STK3: variants seen among roughly 807,000 people sequenced by gnomAD.
The protein encoded by STK3 is serine/threonine kinase 3, also known as serine/threonine-protein kinase 3.
Under a neutral mutation model 58.0 loss-of-function variants are expected in STK3, and 41 were observed. That is an observed-to-expected ratio of 0.71 (90% CI 0.55 to 0.92). The LOEUF is 0.92. Among genes scored for constraint, STK3 ranks in the 40% least tolerant of loss-of-function variants. The pLI is 0.00. For synonymous variants in STK3, 170 were observed against 191.0 expected (o/e 0.89, Z 0.91); for missense variants, 479 against 602.7 (o/e 0.79, Z 2.15).
intron 1 of STK3, among the ~76,000 whole-genome samples, chr8:98,818,863 C>T (rs1834716189): frequency 6.6e-6 from 1 of 152,096 alleles, no homozygotes; most frequent in African/African-American, 2.4e-5. Flanking sequence ...CTCTGTCGCC[C>T]AGGCTGGAGT....
chr8:98,881,278 G>A (rs989961727), downstream of STK3: 1 of 152,208 alleles, frequency 6.6e-6, no homozygotes, highest in East Asian at 1.9e-4. Context: ...AACCCCAAAA[G>A]GCTACATACT....
At position 98,607,869 on chromosome 8, in the gene STK3, TTCTA is replaced by T. The variant is rs142900027; in HGVS notation, c.685-11704_685-11701del. Among the ~76,000 whole-genome samples, 1,104 of 152,326 alleles carry T rather than the reference TTCTA, an allele frequency of 7.2e-3. 4 individuals are homozygous for T. Among genetic ancestry groups the T allele is most frequent in the Non-Finnish European group, 0.01 (705 of 68,008 alleles). On this transcript the variant is annotated intron_variant, in intron 6 of 10. Transcript: ENST00000419617. ...GTTGAAAAGTCAAATTTTCAAAAGCTTCTATCTGCCACCATGAACTTAACAGTTT... is the reference window on the plus strand; with the variant it reads ...GTTGAAAAGTCAAATTTTCAAAAGCTTCTGCCACCATGAACTTAACAGTTT...
chr8:98,804,959 C>G (rs999657851), intron 1 of STK3, among the ~76,000 whole-genome samples: 3 of 152,172 alleles, frequency 2.0e-5, no homozygotes, highest in African/African-American at 7.2e-5. Flanking sequence ...ACTCTTCCTC[C>G]AGGGACTTCT....
chr8:98,857,164 A>T (rs1308043540), intron 3 of STK3, among the ~76,000 whole-genome samples: 1 of 152,208 alleles, frequency 6.6e-6, no homozygotes, highest in Non-Finnish European at 1.5e-5. Flanking sequence ...TTGTGAACGT[A>T]CTAAAGGCCA....
intron 8 of STK3, among the ~76,000 whole-genome samples, chr8:98,576,342 A>G (rs1387532762): frequency 6.6e-6 from 1 of 152,334 alleles, no homozygotes; most frequent in East Asian, 1.9e-4. Flanking sequence ...TGAGTCTTCT[A>G]ACATGGTTCT....
At chr8:98,499,081 A>C (rs1337257663) in intron 10 of STK3, among the ~76,000 whole-genome samples, 1 of 152,224 alleles carries the variant, frequency 6.6e-6, no homozygotes, top group Non-Finnish European at 1.5e-5. Context: ...AAACAGAAAA[A>C]GACAACCTTG....
At chr8:98,881,007 T>G (rs1328801462), downstream of STK3, 1 of 152,258 alleles carries the variant, frequency 6.6e-6, no homozygotes, top group Non-Finnish European at 1.5e-5. Context: ...ACCCAAAACC[T>G]GCATATGAAT....
chr8:98,696,595 T>C (rs1824963209), intron 6 of STK3, among the ~76,000 whole-genome samples: 1 of 152,182 alleles, frequency 6.6e-6, no homozygotes, highest in African/African-American at 2.4e-5. Context: ...AAAGGCCTTT[T>C]CTGCATCTAT....
intron 1 of STK3, among the ~76,000 whole-genome samples, chr8:98,777,688 A>T (rs1438153100): frequency 6.6e-6 from 1 of 152,216 alleles, no homozygotes; most frequent in Non-Finnish European, 1.5e-5. Context: ...ACTTTATAAC[A>T]TCAAAGAGAG....
chr8:98,540,682 C>A (rs531579951), intron 9 of STK3, among the ~76,000 whole-genome samples: 7 of 152,026 alleles, frequency 4.6e-5, no homozygotes, highest in African/African-American at 1.4e-4. Context: ...CAACCACTGC[C>A]GTGTGCCCCT....
chr8:98,883,451 C>A (rs938711911), downstream of STK3: 1 of 534,786 alleles, frequency 1.9e-6, no homozygotes, highest in Non-Finnish European at 3.3e-6. Context: ...ATCTAAATCA[C>A]TCTCTTGGGC....
chr8:98,625,263 T>C (rs1818628519), intron 6 of STK3, among the ~76,000 whole-genome samples: 3 of 152,150 alleles, frequency 2.0e-5, no homozygotes, highest in African/African-American at 7.2e-5. Flanking sequence ...TTTATTCCAC[T>C]TCCACTGTAC....
chr8:98,710,826 C>G (rs1826356574), intron 4 of STK3, among the ~76,000 whole-genome samples: 1 of 152,234 alleles, frequency 6.6e-6, no homozygotes, highest in Non-Finnish European at 1.5e-5. Context: ...GATCTGAGAA[C>G]AGACAGACTG....
chr8:98,467,169 A>G (rs1250262715), intron 10 of STK3, among the ~76,000 whole-genome samples: 1 of 151,906 alleles, frequency 6.6e-6, no homozygotes, highest in Non-Finnish European at 1.5e-5. Flanking sequence ...TGCAGGCACC[A>G]CCATTCTCTG....
At chr8:98,568,196 G>C (rs1289512557) in intron 8 of STK3, among the ~76,000 whole-genome samples, 1 of 152,116 alleles carries the variant, frequency 6.6e-6, no homozygotes, top group Non-Finnish European at 1.5e-5. Context: ...TCAAAATGGA[G>C]ATTAGAACAC....
intron 3 of STK3, among the ~76,000 whole-genome samples, chr8:98,837,222 A>G (rs1322453013): frequency 1.3e-5 from 2 of 152,170 alleles, no homozygotes; most frequent in East Asian, 3.8e-4. Flanking sequence ...TTGCCCTCTC[A>G]GAACTGCTTA....
At chr8:98,931,212 A>G (rs971122553) in intron 1 of STK3, among the ~76,000 whole-genome samples, 3 of 152,176 alleles carry the variant, frequency 2.0e-5, no homozygotes, top group Admixed American at 6.5e-5. Flanking sequence ...CTTGTATAGG[A>G]AGGCCCCTGG....
chr8:98,646,734 T>C (rs1820421428), intron 6 of STK3, among the ~76,000 whole-genome samples: 1 of 152,164 alleles, frequency 6.6e-6, no homozygotes, highest in Non-Finnish European at 1.5e-5. Flanking sequence ...TTCACTCTTC[T>C]TTCTTCTACA....
chr8:98,587,790 G>A (rs551792317), intron 7 of STK3, among the ~76,000 whole-genome samples: 1 of 152,108 alleles, frequency 6.6e-6, no homozygotes, highest in South Asian at 2.1e-4. Context: ...TCCTGTGTTG[G>A]GTGCATATAT....
Sources: allele counts gnomAD v4.1 joint callset (sites outside exome capture counted in the v4.1 genomes callset), GRCh38; gene constraint gnomAD v4.1.1; transcripts MANE v1.5; gene names NCBI Gene and HGNC (gene_info 2026-07-23, HGNC 2026-07-21).